The following SH3GL2 variants were observed in gnomAD, a reference collection of about 807,000 sequenced individuals.
The protein encoded by SH3GL2 is SH3 domain containing GRB2 like 2, endophilin A1, also known as endophilin-A1.
A neutral mutation model predicts 46.0 loss-of-function variants in SH3GL2; 24 were observed. The ratio of observed to expected loss-of-function variants is 0.52; its 90% CI spans 0.38 to 0.73. SH3GL2 has a LOEUF of 0.73. Ranked by LOEUF, SH3GL2 falls within the 30% of genes least tolerant of loss-of-function variation. The pLI, the probability that SH3GL2 is intolerant of heterozygous loss-of-function variation, is 0.00. For missense variants in SH3GL2, 413 were observed against 424.2 expected (o/e 0.97, Z 0.23); for synonymous variants, 196 against 147.1 (o/e 1.33, Z -2.40).
chr9:17,585,082 G>C (rs1245172064), intron 1 of SH3GL2, among the ~76,000 whole-genome samples: 2 of 152,188 alleles, frequency 1.3e-5, no homozygotes, highest in Non-Finnish European at 2.9e-5. Context: ...ATATTCAGGG[G>C]AAGGGAGCTG....
chr9:17,644,582 C>T (rs1329550108), intron 1 of SH3GL2, among the ~76,000 whole-genome samples: 1 of 152,046 alleles, frequency 6.6e-6, no homozygotes, highest in African/African-American at 2.4e-5. Context: ...TGATATTTAC[C>T]TTGTAGTCAT....
At chr9:17,606,354 G>A (rs113664553) in intron 1 of SH3GL2, among the ~76,000 whole-genome samples, 6,538 of 152,178 alleles carry the variant, frequency 0.043, 494 homozygotes, top group African/African-American at 0.15. Flanking sequence ...GCCTCCTAAA[G>A]TGCTGGGATT....
At chr9:17,740,954 C>G (rs1822511066) in intron 1 of SH3GL2, among the ~76,000 whole-genome samples, 1 of 152,004 alleles carries the variant, frequency 6.6e-6, no homozygotes, top group South Asian at 2.1e-4. Flanking sequence ...GTGACATTTC[C>G]AAGACTGGAA....
chr9:17,632,216 G>C (rs996565997), intron 1 of SH3GL2, among the ~76,000 whole-genome samples: 1 of 152,152 alleles, frequency 6.6e-6, no homozygotes, highest in Non-Finnish European at 1.5e-5. Flanking sequence ...AAAAAATAAA[G>C]TGAAATACTA....
chr9:17,789,645 T>C, intron 6 of SH3GL2, 95 bp downstream of exon 6: 1 of 1,549,136 alleles, frequency 6.5e-7, no homozygotes, highest in Non-Finnish European at 8.8e-7. Context: ...TAATATCTGA[T>C]TACACTATGT....
chr9:17,666,464 G>A (rs965427593), intron 1 of SH3GL2, among the ~76,000 whole-genome samples: 3 of 150,968 alleles, frequency 2.0e-5, no homozygotes, highest in African/African-American at 7.3e-5. Flanking sequence ...TTAGTTTTTG[G>A]TTTATCCTTC....
chr9:17,756,905 T>A (rs1421032260), intron 2 of SH3GL2, among the ~76,000 whole-genome samples: 1 of 152,196 alleles, frequency 6.6e-6, no homozygotes, highest in Non-Finnish European at 1.5e-5. Context: ...TGCCACACTG[T>A]CTTCCACAAT....
chr9:17,695,911 C>G (rs1401457088), intron 1 of SH3GL2, among the ~76,000 whole-genome samples: 1 of 151,958 alleles, frequency 6.6e-6, no homozygotes, highest in Non-Finnish European at 1.5e-5. Flanking sequence ...TCATAGAGGC[C>G]TTTTTATACT....
chr9:17,585,838 A>G (rs974106349), intron 1 of SH3GL2, among the ~76,000 whole-genome samples: 4 of 152,178 alleles, frequency 2.6e-5, no homozygotes, highest in African/African-American at 7.2e-5. Context: ...GTATGTGGGA[A>G]TGAATGTTGA....
At chr9:17,680,911 T>C (rs887829607) in intron 1 of SH3GL2, among the ~76,000 whole-genome samples, 4 of 152,040 alleles carry the variant, frequency 2.6e-5, no homozygotes, top group Admixed American at 2.0e-4. Flanking sequence ...CAGGAGCAGG[T>C]TGTTCAGTTT....
intron 1 of SH3GL2, among the ~76,000 whole-genome samples, chr9:17,648,059 T>C (rs1438680957): frequency 6.6e-6 from 1 of 152,222 alleles, no homozygotes; most frequent in Non-Finnish European, 1.5e-5. Flanking sequence ...GCTTACTTTA[T>C]TGTAAAAATA....
chr9:17,641,990 G>A (rs1435616616), intron 1 of SH3GL2, among the ~76,000 whole-genome samples: 2 of 152,076 alleles, frequency 1.3e-5, no homozygotes, highest in Admixed American at 1.3e-4. Context: ...GGTATTTCTA[G>A]TTCTAGATCC....
intron 1 of SH3GL2, among the ~76,000 whole-genome samples, chr9:17,620,320 C>G (rs1268657281): frequency 6.6e-6 from 1 of 152,128 alleles, no homozygotes; most frequent in African/African-American, 2.4e-5. Context: ...CACTGGGTAT[C>G]CAGTGAGGAA....
chr9:17,665,863 C>T (rs574540427), intron 1 of SH3GL2, among the ~76,000 whole-genome samples: 3 of 149,090 alleles, frequency 2.0e-5, no homozygotes, highest in African/African-American at 7.4e-5. Flanking sequence ...ATGCATCTGT[C>T]TGTTCATCCA....
intron 4 of SH3GL2, among the ~76,000 whole-genome samples, chr9:17,787,032 T>A (rs1281509321): frequency 1.3e-5 from 2 of 152,194 alleles, no homozygotes; most frequent in Non-Finnish European, 2.9e-5. Flanking sequence ...ATGTGGGATC[T>A]CCTTCCTGGT....
chr9:17,623,246 A>G (rs1431268632), intron 1 of SH3GL2, among the ~76,000 whole-genome samples: 4 of 151,970 alleles, frequency 2.6e-5, no homozygotes, highest in African/African-American at 9.7e-5. Context: ...TAAGGTCCCT[A>G]CGATACGTCT....
chr9:17,646,514 A>G (rs538219216), intron 1 of SH3GL2, among the ~76,000 whole-genome samples: 79 of 152,154 alleles, frequency 5.2e-4, no homozygotes, highest in Middle Eastern at 3.4e-3. Flanking sequence ...TTGTGGATTT[A>G]TCTACCTTTG....
At chr9:17,651,343 T>G (rs7871403) in intron 1 of SH3GL2, among the ~76,000 whole-genome samples, 1 of 152,146 alleles carries the variant, frequency 6.6e-6, no homozygotes, top group Non-Finnish European at 1.5e-5. Flanking sequence ...CATCCACGAG[T>G]ATCTTCTTTC....
intron 2 of SH3GL2, among the ~76,000 whole-genome samples, chr9:17,755,163 A>C (rs1470555754): frequency 6.6e-6 from 1 of 152,196 alleles, no homozygotes; most frequent in East Asian, 1.9e-4. Flanking sequence ...GCATTCCCTT[A>C]ATACCTAGCT....
Sources: allele counts gnomAD v4.1 joint callset (sites outside exome capture counted in the v4.1 genomes callset), GRCh38; gene constraint gnomAD v4.1.1; transcripts MANE v1.5; gene names NCBI Gene and HGNC (gene_info 2026-07-23, HGNC 2026-07-21).